The following CFAP20DC variants were observed in gnomAD, a reference collection of about 807,000 sequenced individuals.
CFAP20DC encodes protein CFAP20DC.
In CFAP20DC, 84 loss-of-function variants were observed where a neutral mutation model predicts 101.7. That is an observed-to-expected ratio of 0.83 (90% CI 0.69 to 0.99). The LOEUF is 0.99. Among genes scored for constraint, CFAP20DC ranks in the 50% least tolerant of loss-of-function variants. The pLI, the probability that CFAP20DC is intolerant of heterozygous loss-of-function variation, is 0.00. For synonymous variants in CFAP20DC, 359 were observed against 351.2 expected (o/e 1.02, Z -0.25); for missense variants, 1,007 against 970.3 (o/e 1.04, Z -0.50).
chr3:58,983,643 C>T (rs2092659148), intron 4 of CFAP20DC, among the ~76,000 whole-genome samples: 1 of 152,028 alleles, frequency 6.6e-6, no homozygotes, highest in African/African-American at 2.4e-5. Flanking sequence ...TAATAATCAC[C>T]ATAACACACC....
In CFAP20DC at chr3:58,724,131, T is replaced by C. The variant is rs1258349092; in HGVS notation, c.198-6503A>G. ...GGGGCCTGGGGAATTCTCAAGTTGG[T>C]TTGTGGGGGTCAAGCAGGTTCTTCC... is the stretch of plus-strand genomic sequence containing the variant. On this transcript the variant is annotated intron_variant, in intron 3 of 3. Transcript: ENST00000486145. The surrounding 1 kb of genome is among the most constrained non-coding windows in gnomAD (Gnocchi z 5.6). Among the ~76,000 whole-genome samples, 1 of 151,994 alleles carries C rather than the reference T, an allele frequency of 6.6e-6. No homozygotes were observed. Among genetic ancestry groups the C allele is most frequent in the African/African-American group, 2.4e-5 (1 of 41,372 alleles).
chr3:58,734,142 C>G (rs1216043204), intron 3 of CFAP20DC, among the ~76,000 whole-genome samples: 1 of 152,210 alleles, frequency 6.6e-6, no homozygotes, highest in African/African-American at 2.4e-5. Flanking sequence ...CTCTCTCTCT[C>G]TCCTGCTCTG....
intron 4 of CFAP20DC, among the ~76,000 whole-genome samples, chr3:58,949,951 C>T (rs555691265): frequency 7.9e-5 from 12 of 152,192 alleles, no homozygotes; most frequent in South Asian, 2.1e-4. Flanking sequence ...AAATAAAGGG[C>T]ATTCAATTAG....
intron 5 of CFAP20DC, among the ~76,000 whole-genome samples, chr3:58,926,633 A>G (rs1276567928): frequency 6.6e-6 from 1 of 152,184 alleles, no homozygotes; most frequent in Non-Finnish European, 1.5e-5. Flanking sequence ...AAACTTCTAC[A>G]TCATTGGCTC....
intron 15 of CFAP20DC, among the ~76,000 whole-genome samples, chr3:58,764,187 G>A (rs2070019060): frequency 6.6e-6 from 1 of 152,200 alleles, no homozygotes. Flanking sequence ...GCTCCACCCA[G>A]TTTGAGCTTC....
chr3:58,787,074 T>G (rs1049360197), intron 15 of CFAP20DC, among the ~76,000 whole-genome samples: 32 of 151,866 alleles, frequency 2.1e-4, no homozygotes, highest in Non-Finnish European at 4.1e-4. Context: ...TTATTTCAGA[T>G]AGAAAACAGT....
chr3:59,046,203 G>C lies in CFAP20DC; in HGVS notation c.205+26C>G, dbSNP rs531805231. 31 of 1,442,012 alleles carry C rather than the reference G, an allele frequency of 2.1e-5. No individual in the cohort carries two copies. The African/African-American group carries it at 4.2e-4, about 20-fold the overall frequency. 89.3% of individuals were successfully genotyped at this position (1,442,012 alleles called of 1,614,324 possible). Reference sequence around the variant, plus strand: ...CAGAACTTTGAGTACAAAATGTTAAGTTTCAATATTAAAAATATTACTTAC... The same window carrying C: ...CAGAACTTTGAGTACAAAATGTTAACTTTCAATATTAAAAATATTACTTAC... On this transcript the variant is annotated intron_variant, in intron 3 of 16. Transcript: ENST00000482387.
intron 5 of CFAP20DC, among the ~76,000 whole-genome samples, chr3:58,920,284 G>C (rs1049132007): frequency 1.6e-4 from 25 of 151,674 alleles, no homozygotes; most frequent in African/African-American, 6.1e-4. Flanking sequence ...GTAGAGATGG[G>C]GGTCTCCATA....
At chr3:58,759,004 G>A (rs1373082237) in intron 15 of CFAP20DC, among the ~76,000 whole-genome samples, 1 of 152,184 alleles carries the variant, frequency 6.6e-6, no homozygotes, top group Non-Finnish European at 1.5e-5. Flanking sequence ...ACATACATGT[G>A]CATGTGTCTT....
chr3:58,822,349 A>G (rs887386486), intron 14 of CFAP20DC, among the ~76,000 whole-genome samples: 20 of 144,776 alleles, frequency 1.4e-4, no homozygotes, highest in African/African-American at 4.4e-4. Context: ...AAAAAACCAA[A>G]CACCGCATAT....
intron 15 of CFAP20DC, among the ~76,000 whole-genome samples, chr3:58,762,645 C>G (rs1412702990): frequency 6.6e-6 from 1 of 152,232 alleles, no homozygotes; most frequent in Non-Finnish European, 1.5e-5. Flanking sequence ...ACGGTCTTTA[C>G]AATTTGTCAT....
intron 4 of CFAP20DC, among the ~76,000 whole-genome samples, chr3:58,954,723 TA>T: frequency 6.6e-6 from 1 of 152,320 alleles, no homozygotes; most frequent in African/African-American, 2.4e-5. Context: ...CTTCTGTCTT[TA>T]AAAGAGAAGA....
intron 7 of CFAP20DC, among the ~76,000 whole-genome samples, chr3:58,881,989 T>A (rs893514594): frequency 6.6e-6 from 1 of 152,140 alleles, no homozygotes; most frequent in Non-Finnish European, 1.5e-5. Context: ...TGAAAAGTAT[T>A]TACAGAAAGA....
chr3:58,940,816 G>C (rs758773079), intron 4 of CFAP20DC, among the ~76,000 whole-genome samples: 1 of 152,174 alleles, frequency 6.6e-6, no homozygotes, highest in African/African-American at 2.4e-5. Context: ...AAAAAGAAGT[G>C]TTGAGAGTTT....
chr3:58,824,370 T>G (rs1379674881), intron 14 of CFAP20DC: 1 of 152,146 alleles, frequency 6.6e-6, no homozygotes, highest in Non-Finnish European at 1.5e-5. Flanking sequence ...ATGGAACAGA[T>G]CCCAGAAACT....
chr3:58,751,033 C>A (rs1035051495), intron 16 of CFAP20DC, among the ~76,000 whole-genome samples: 3 of 151,886 alleles, frequency 2.0e-5, no homozygotes, highest in African/African-American at 7.3e-5. Context: ...TTTTCCCCCA[C>A]GCTTGTAATA....
chr3:58,939,281 C>T (rs368069786), intron 4 of CFAP20DC, among the ~76,000 whole-genome samples: 19 of 151,830 alleles, frequency 1.3e-4, no homozygotes, highest in Non-Finnish European at 2.4e-4. Flanking sequence ...TCATCAGAGA[C>T]GCTATTAGGT....
chr3:58,969,533 A>C (rs961150862), intron 4 of CFAP20DC, among the ~76,000 whole-genome samples: 1 of 152,218 alleles, frequency 6.6e-6, no homozygotes, highest in Admixed American at 6.6e-5. Context: ...TGTTCATAGC[A>C]GCATTATTAA....
chr3:58,872,605 G>A (rs1332598478), intron 7 of CFAP20DC, among the ~76,000 whole-genome samples: 1 of 152,124 alleles, frequency 6.6e-6, no homozygotes, highest in Non-Finnish European at 1.5e-5. Flanking sequence ...AAGTCGTGAG[G>A]AGGTAAAAAC....
Sources: allele counts gnomAD v4.1 joint callset (sites outside exome capture counted in the v4.1 genomes callset), GRCh38; gene constraint gnomAD v4.1.1; non-coding constraint Gnocchi (gnomAD v3.1); transcripts MANE v1.5; gene names NCBI Gene and HGNC (gene_info 2026-07-23, HGNC 2026-07-21).